TMCC2: variants seen among roughly 807,000 people sequenced by gnomAD.
TMCC2 encodes the protein transmembrane and coiled-coil domain family 2.
Under a neutral mutation model 49.4 loss-of-function variants are expected in TMCC2, and 16 were observed. The observed-to-expected ratio is 0.32, with a 90% CI of 0.22 to 0.49. The LOEUF is 0.49. Among genes scored for constraint, TMCC2 ranks in the 20% least tolerant of loss-of-function variants. The probability of loss-of-function intolerance (pLI) is 0.99; values close to 1 mark genes in which losing one functional copy is unlikely to be tolerated. For synonymous variants in TMCC2, 397 were observed against 434.1 expected (o/e 0.91, Z 1.06); for missense variants, 762 against 989.8 (o/e 0.77, Z 3.09).
chr1:205,270,797 G>A (rs943931968), intron 3 of TMCC2, among the ~76,000 whole-genome samples: 24 of 152,094 alleles, frequency 1.6e-4, no homozygotes, highest in Non-Finnish European at 2.5e-4. Flanking sequence ...CATGAGCTGC[G>A]TGATCCTAGG....
chr1:205,271,962 G>A lies in TMCC2; in HGVS notation c.1968G>A (p.Val656=). Residue 656 remains valine, a synonymous_variant, in exon 5 of 5, where the codon GTG becomes GTA. Coordinates refer to ENST00000358024, the MANE Select transcript of TMCC2 (RefSeq NM_014858.4). ...FINVILALMA[V]LLVFVSTIAN... is the part of the protein sequence containing the mutation. ...ACGTGATCCTGGCGCTCATGGCCGT[G>A]CTGCTGGTGTTCGTGTCCACCATCG... 1 of 1,614,200 alleles carries A rather than the reference G, an allele frequency of 6.2e-7. No homozygotes were observed. Among genetic ancestry groups the A allele is most frequent in the Non-Finnish European group, 8.5e-7 (1 of 1,180,034 alleles).
intron 2 of TMCC2, among the ~76,000 whole-genome samples, chr1:205,262,582 G>A (rs890576738): frequency 6.6e-6 from 1 of 152,230 alleles, no homozygotes; most frequent in African/African-American, 2.4e-5. Flanking sequence ...CTGTTAACAT[G>A]CAGGGTGTTT....
intron 1 of TMCC2, among the ~76,000 whole-genome samples, chr1:205,230,787 G>A (rs1369737628): frequency 1.3e-5 from 2 of 152,042 alleles, no homozygotes; most frequent in Non-Finnish European, 2.9e-5. Flanking sequence ...ACGCCTTAAG[G>A]GATGCCACGT....
At chr1:205,257,784 A>G (rs2102584641) in intron 2 of TMCC2, among the ~76,000 whole-genome samples, 1 of 152,290 alleles carries the variant, frequency 6.6e-6, no homozygotes, top group South Asian at 2.1e-4. Context: ...ACAGTGGGAG[A>G]GGCCATAAGG....
At chr1:205,266,267 G>A (rs1362771249) in intron 2 of TMCC2, among the ~76,000 whole-genome samples, 2 of 139,924 alleles carry the variant, frequency 1.4e-5, no homozygotes, top group African/African-American at 5.3e-5. Flanking sequence ...AAAAAGTTCT[G>A]TAACATCAAA....
chr1:205,229,469 A>AG (rs1324045026), intron 1 of TMCC2: 7 of 265,348 alleles, frequency 2.6e-5, no homozygotes, highest in Non-Finnish European at 3.3e-5. Context: ...TACAGGCGTG[A>AG]GCCACCGTGC....
chr1:205,239,804 T>G (rs548014169), intron 1 of TMCC2, among the ~76,000 whole-genome samples: 1 of 152,170 alleles, frequency 6.6e-6, no homozygotes, highest in Non-Finnish European at 1.5e-5. Context: ...CACAAATACA[T>G]AATAGTACAG....
chr1:205,233,739 AG>A (rs930798601), intron 1 of TMCC2: 9 of 152,110 alleles, frequency 5.9e-5, no homozygotes, highest in African/African-American at 2.2e-4. Flanking sequence ...ACCCAAGTCA[AG>A]GAAAAAAAAA....
intron 2 of TMCC2, among the ~76,000 whole-genome samples, chr1:205,259,793 C>G (rs997727180): frequency 3.3e-5 from 5 of 152,342 alleles, no homozygotes; most frequent in Non-Finnish European, 7.3e-5. Context: ...AATCCAGCTT[C>G]ATTTAGTGTT....
chr1:205,229,785 TTTA>T (rs1659719331), intron 1 of TMCC2: 3 of 985,428 alleles, frequency 3.0e-6, no homozygotes, highest in Non-Finnish European at 3.6e-6. Flanking sequence ...CATGGAGCTG[TTTA>T]TTTTCCGGCC....
intron 4 of TMCC2, 121 bp downstream of exon 4, chr1:205,271,376 G>C (rs778732029): frequency 1.3e-6 from 2 of 1,515,142 alleles, no homozygotes; most frequent in Non-Finnish European, 1.8e-6. Flanking sequence ...GGCCGGGGCC[G>C]ATAGGCACAT....
chr1:205,261,629 C>G (rs759797890), intron 2 of TMCC2, among the ~76,000 whole-genome samples: 1 of 151,498 alleles, frequency 6.6e-6, no homozygotes, highest in African/African-American at 2.4e-5. Flanking sequence ...CAGTGATCCA[C>G]GATCATGCCA....
rs535759745 is a variant in TMCC2 at position 205,231,020 on chromosome 1, A to G, written c.207+2249A>G. ...CATCCCCCCCCCCGCCCCCAGAGAA[A>G]ACATACCATTGAACCCAGCAATGTG... On this transcript the variant is annotated intron_variant, in intron 1 of 4. Transcript: ENST00000358024. 1.1e-4 allele frequency among the ~76,000 whole-genome samples: 9 copies of G among 81,278 alleles called. No homozygotes were observed. In the South Asian group the frequency reaches 4.1e-3, roughly 37 times the overall value. 53.3% of individuals were successfully genotyped at this position (81,278 alleles called of 152,430 possible). A position where few individuals can be genotyped will look rare whatever the true frequency, so the allele number is the denominator to read the frequency against.
At chr1:205,230,327 T>C (rs1659739556) in intron 1 of TMCC2, among the ~76,000 whole-genome samples, 2 of 152,178 alleles carry the variant, frequency 1.3e-5, no homozygotes, top group African/African-American at 4.8e-5. Flanking sequence ...TTTTCAGAGC[T>C]TCGTGGCTAG....
intron 1 of TMCC2, among the ~76,000 whole-genome samples, chr1:205,232,824 A>G (rs1438042815): frequency 6.6e-6 from 1 of 151,496 alleles, no homozygotes; most frequent in African/African-American, 2.4e-5. Context: ...AGTCCCAGCT[A>G]CTTGGGAGAC....
At chr1:205,229,131 A>C in intron 1 of TMCC2, 1 of 1,112,750 alleles carries the variant, frequency 9.0e-7, no homozygotes, top group Non-Finnish European at 1.1e-6. Flanking sequence ...CTTGCTGAGT[A>C]AGTCTCTACC....
Position 205,268,933 on chromosome 1 carries a change from C to T in TMCC2, c.748-17C>T. ...CCAGGGTTTACCCATGCTTCCTCTG[C>T]CTGCCTCTTTCCCCAGGTCGATAAG... is the stretch of plus-strand genomic sequence containing the variant. On this transcript the variant is annotated splice_polypyrimidine_tract_variant and intron_variant, in intron 2 of 4. Transcript: ENST00000358024. 1.9e-6 allele frequency: 3 copies of T among 1,609,302 alleles called. No individual in the cohort carries two copies. Among genetic ancestry groups the T allele is most frequent in the South Asian group, 2.2e-5 (2 of 90,940 alleles).
In TMCC2 at chr1:205,269,739, C is replaced by T. The variant is rs1558659635; in HGVS notation, c.1537C>T (p.Pro513Ser). The change falls in exon 3 of 5, where the codon CCT becomes TCT. Residue 513 changes from proline to serine, a missense_variant. By Grantham distance (74) the Pro-to-Ser change is moderately conservative. Around this residue, in one of 2 missense-constraint regions of TMCC2, gnomAD observed 440 missense variants for 636.7 expected, o/e 0.69. Transcript: ENST00000358024. The part of the protein sequence containing the change: ...SPKSNALYGA[P>S]GNLDALLEEL... ...TAAGTCCAATGCACTGTATGGTGCT[C>T]CTGGAAACCTGGATGCTCTGCTGGA... 1 of 1,614,174 alleles carries T rather than the reference C, an allele frequency of 6.2e-7. No individual in the cohort carries two copies. The highest frequency in any genetic ancestry group is 1.7e-5 in the Admixed American group (1 of 60,028).
At chr1:205,266,583 C>T (rs1055409058) in intron 2 of TMCC2, among the ~76,000 whole-genome samples, 9 of 140,754 alleles carry the variant, frequency 6.4e-5, no homozygotes, top group African/African-American at 1.5e-4. Context: ...ACAGAGACCC[C>T]GTCTCCAAAA....
Sources: allele counts gnomAD v4.1 joint callset (sites outside exome capture counted in the v4.1 genomes callset), GRCh38; gene constraint gnomAD v4.1.1; regional missense constraint gnomAD v4.1.1; transcripts MANE v1.5; gene names NCBI Gene and HGNC (gene_info 2026-07-23, HGNC 2026-07-21).